MYT1: variants seen among roughly 807,000 people sequenced by gnomAD.
MYT1 encodes myelin transcription factor I.
A neutral mutation model predicts 123.0 loss-of-function variants in MYT1; 23 were observed. The ratio of observed to expected loss-of-function variants is 0.19; its 90% confidence interval spans 0.13 to 0.26. The LOEUF is 0.26. Among genes scored for constraint, MYT1 ranks in the 10% least tolerant of loss-of-function variants. The pLI is 1.00. For missense variants in MYT1, 1,125 were observed against 1,472.5 expected, an observed-to-expected ratio of 0.76 and a Z score of 3.86; for synonymous variants, 518 against 575.3, an observed-to-expected ratio of 0.90 and a Z score of 1.43.
intron 7 of MYT1, among the ~76,000 whole-genome samples, chr20:64,210,030 T>TCTCTTGACA (rs1442404857): frequency 4.6e-4 from 69 of 151,646 alleles, no homozygotes; most frequent in Non-Finnish European, 9.1e-4. Context: ...GGGCCCGGGG[T>TCTCTTGACA]GGTTACTAGC....
intron 18 of MYT1, among the ~76,000 whole-genome samples, chr20:64,228,574 G>A (rs941574405): frequency 1.3e-5 from 2 of 152,164 alleles, no homozygotes; most frequent in South Asian, 4.1e-4. Flanking sequence ...GGGGCAGGGT[G>A]GGGGCTCGTG....
In MYT1 at chr20:64,193,165, G is replaced by T. The variant is rs556852773; in HGVS notation, c.-1+3005G>T. Among the ~76,000 whole-genome samples, 31 of 152,346 alleles carry T rather than the reference G, an allele frequency of 2.0e-4. No individual in the cohort carries two copies. The highest frequency in any genetic ancestry group is 6.5e-4 in the African/African-American group (27 of 41,574). On this transcript the variant is annotated intron_variant, in intron 2 of 22. Coordinates refer to ENST00000328439, the MANE Select transcript of MYT1 (RefSeq NM_004535.3). The surrounding 1 kb of genome is among the most constrained non-coding windows in gnomAD (Gnocchi z 4.0). The stretch of plus-strand genomic sequence containing the variant: ...CAGGACATCACCCAATGTGAGGACA[G>T]AACTATCTCTGCAAGGAACCAAGGG...
intron 7 of MYT1, among the ~76,000 whole-genome samples, chr20:64,209,395 G>T (rs953012949): frequency 2.0e-5 from 3 of 152,316 alleles, no homozygotes; most frequent in South Asian, 4.1e-4. Context: ...CAGCCGGCCT[G>T]GTGCGGAGGG....
In MYT1 at chr20:64,190,565, T is replaced by C. The variant is rs970090860; in HGVS notation, c.-1+405T>C. On this transcript the variant is annotated intron_variant, in intron 2 of 22. Coordinates refer to ENST00000328439, the MANE Select transcript of MYT1 (RefSeq NM_004535.3). This position sits in a 1 kb window ranked among gnomAD's most constrained non-coding sequence, Gnocchi z 4.1. ...GGCATGCGCCTGTAATCCCAGCTAT[T>C]TGGGGGAGGATCCCAGCTAAGGTGG... 1.1e-4 allele frequency among the ~76,000 whole-genome samples: 16 copies of C among 143,150 alleles called. No individual in the cohort carries two copies. The highest frequency in any genetic ancestry group is 2.9e-4 in the Admixed American group (4 of 13,882). The allele number at this position is 143,150 out of a possible 152,430, so 93.9% of individuals were successfully genotyped here.
In MYT1 at chr20:64,208,015, G is replaced by A. The variant is rs369047925; in HGVS notation, c.819G>A (p.Glu273=). ...EEEEEEEEEE[E]DEEEEEEEEE... The stretch of plus-strand genomic sequence containing the variant: ...AGGAGGAGGAAGAGGAGGAGGAGGA[G>A]GATGAAGAAGAGGAAGAGGAAGAGG... The change falls in exon 7 of 23, where the codon GAG becomes GAA. Residue 273 remains glutamate, a synonymous_variant. Transcript: ENST00000328439. This position sits in a 1 kb window ranked among gnomAD's most constrained non-coding sequence, Gnocchi z 5.4. 70 of 1,590,874 alleles carry A rather than the reference G, an allele frequency of 4.4e-5. No individual in the cohort carries two copies. The highest frequency in any genetic ancestry group is 3.4e-4 in the Middle Eastern group (2 of 5,874).
chr20:64,173,528 C>T, intron 1 of MYT1, among the ~76,000 whole-genome samples: 1 of 126,378 alleles, frequency 7.9e-6, no homozygotes. Context: ...ACTTCTCCTC[C>T]TGCAGCATCC....
At position 64,167,506 on chromosome 20, in the gene MYT1, G is replaced by A. The variant is rs533719022; in HGVS notation, c.-99+2767G>A. Among the ~76,000 whole-genome samples the A allele has an allele frequency of 6.6e-6, 1 of 152,290 alleles. No individual in the cohort carries two copies. Among genetic ancestry groups the A allele is most frequent in the Non-Finnish European group, 1.5e-5 (1 of 68,036 alleles). Reference sequence around the variant, plus strand: ...GGGTCAGGAGGTTAGCTGTGGGGTGGGTGGGGGCTGCTGGCGGTCACCTGA... The same window carrying A: ...GGGTCAGGAGGTTAGCTGTGGGGTGAGTGGGGGCTGCTGGCGGTCACCTGA... On this transcript the variant is annotated intron_variant, in intron 1 of 22. Transcript: ENST00000328439. This position sits in a 1 kb window ranked among gnomAD's most constrained non-coding sequence, Gnocchi z 6.3.
intron 1 of MYT1, among the ~76,000 whole-genome samples, chr20:64,188,796 C>A (rs961912249): frequency 7.2e-5 from 11 of 152,168 alleles, no homozygotes; most frequent in Non-Finnish European, 1.6e-4. Flanking sequence ...CCCGCAGCTC[C>A]CTCCTCACTA....
chr20:64,218,069 T>C lies in MYT1; in HGVS notation c.1846+788T>C, dbSNP rs1157321499. Among the ~76,000 whole-genome samples, 2 of 152,162 alleles carry C rather than the reference T, an allele frequency of 1.3e-5. No individual in the cohort carries two copies. The highest frequency in any genetic ancestry group is 4.8e-5 in the African/African-American group (2 of 41,432). ...GTTTCCTACATGAGAATAATAAAAG[T>C]ACTGATTGATGCGGCTGCCAGTGGG... On this transcript the variant is annotated intron_variant, in intron 11 of 22. Transcript: ENST00000328439. The surrounding 1 kb of genome is among the most constrained non-coding windows in gnomAD (Gnocchi z 4.0).
chr20:64,166,412 G>A lies in MYT1; in HGVS notation c.-99+1673G>A, dbSNP rs889366654. Among the ~76,000 whole-genome samples the A allele has an allele frequency of 6.6e-6, 1 of 152,180 alleles. No individual in the cohort carries two copies. Among genetic ancestry groups the A allele is most frequent in the African/African-American group, 2.4e-5 (1 of 41,446 alleles). Reference sequence around the variant, plus strand: ...ACCTGGACGTTTGCCGAACTTCCCAGGGGTACTTGCTGATCCAGGAGCTTG... The same window carrying A: ...ACCTGGACGTTTGCCGAACTTCCCAAGGGTACTTGCTGATCCAGGAGCTTG... On this transcript the variant is annotated intron_variant, in intron 1 of 22. Coordinates refer to ENST00000328439, the MANE Select transcript of MYT1 (RefSeq NM_004535.3). This position sits in a 1 kb window ranked among gnomAD's most constrained non-coding sequence, Gnocchi z 4.9.
chr20:64,202,565 C>T lies in MYT1; in HGVS notation c.87-2470C>T, dbSNP rs1257600612. ...GGCGCCTTCCTCCTTGAGCCACTGGCCAACTCCCACCCAGATGACTGCCCC... is the reference window on the plus strand; with the variant it reads ...GGCGCCTTCCTCCTTGAGCCACTGGTCAACTCCCACCCAGATGACTGCCCC... On this transcript the variant is annotated intron_variant, in intron 4 of 22. Transcript: ENST00000328439. This position sits in a 1 kb window ranked among gnomAD's most constrained non-coding sequence, Gnocchi z 5.0. Among the ~76,000 whole-genome samples the T allele has an allele frequency of 2.0e-5, 3 of 152,116 alleles. No individual in the cohort carries two copies. Among genetic ancestry groups the T allele is most frequent in the Non-Finnish European group, 4.4e-5 (3 of 68,026 alleles).
At chr20:64,183,679 T>TG (rs1326487987) in intron 1 of MYT1, among the ~76,000 whole-genome samples, 2 of 152,268 alleles carry the variant, frequency 1.3e-5, no homozygotes, top group East Asian at 1.9e-4. Flanking sequence ...TCAAGTCCTC[T>TG]GCTCATTCTA....
intron 7 of MYT1, among the ~76,000 whole-genome samples, chr20:64,210,601 G>T (rs1983638679): frequency 6.6e-6 from 1 of 152,210 alleles, no homozygotes; most frequent in Non-Finnish European, 1.5e-5. Context: ...CCTCCCAAAG[G>T]GGACAGCTCT....
rs748347007 is a variant in MYT1, at chr20:64,227,498, G to A, written c.2591+21G>A. ...CGGAGGTGAGCCTGCCACACCCTCA[G>A]GTCCTGGGCCCCAGGGGTGGGCAGG... On this transcript the variant is annotated intron_variant, in intron 17 of 22. Transcript: ENST00000328439. 8.1e-6 allele frequency: 13 copies of A among 1,609,896 alleles called. No individual in the cohort carries two copies. The South Asian group carries it at 1.3e-4, about 16-fold the overall frequency.
At position 64,202,052 on chromosome 20, in the gene MYT1, T is replaced by TGCGTGTCGGGAACCCCC. The variant is rs1983336988; in HGVS notation, c.86+2146_86+2147insCGCGTGTCGGGAACCCC. ...GGAACCCCCGCGTGTCGGGAACCTC[T>TGCGTGTCGGGAACCCCC]GCGTGTCGGGAACCCCTGTGTGCAG... On this transcript the variant is annotated intron_variant, in intron 4 of 22. Coordinates refer to ENST00000328439, the MANE Select transcript of MYT1 (RefSeq NM_004535.3). The surrounding 1 kb of genome is among the most constrained non-coding windows in gnomAD (Gnocchi z 5.0). Among the ~76,000 whole-genome samples the TGCGTGTCGGGAACCCCC allele has an allele frequency of 1.5e-5, 2 of 133,524 alleles. No homozygotes were observed. The highest frequency in any genetic ancestry group is 5.3e-5 in the African/African-American group (2 of 38,000). The allele number at this position is 133,524 out of a possible 152,430, so 87.6% of individuals were successfully genotyped here.
In MYT1 at chr20:64,236,641, G is replaced by A. The variant is rs376313896; in HGVS notation, c.2984G>A (p.Ser995Asn). The A allele has an allele frequency of 1.2e-5, 19 of 1,613,342 alleles. No individual in the cohort carries two copies. Among genetic ancestry groups the A allele is most frequent in the Non-Finnish European group, 1.5e-5 (18 of 1,179,596 alleles). Residue 995 changes from serine to asparagine, a missense_variant, in exon 20 of 23, where the codon AGC becomes AAC. By Grantham distance (46) the Ser-to-Asn change is conservative. Around this residue, in one of 4 missense-constraint regions of MYT1, gnomAD observed 243 missense variants for 323.1 expected, o/e 0.75. Coordinates refer to ENST00000328439, the MANE Select transcript of MYT1 (RefSeq NM_004535.3). ...DEVLSPKFKT[S>N]DVLENDEEIK... is the part of the protein sequence containing the mutation. ...GTCCTCAGTCCAAAGTTCAAGACTAGCGACGGTAAGGATGGCTTCCTGGAT... is the reference window on the plus strand; with the variant it reads ...GTCCTCAGTCCAAAGTTCAAGACTAACGACGGTAAGGATGGCTTCCTGGAT...
In MYT1 at chr20:64,193,356, G is replaced by A. The variant is rs1483040213; in HGVS notation, c.-1+3196G>A. On this transcript the variant is annotated intron_variant, in intron 2 of 22. Transcript: ENST00000328439. The surrounding 1 kb of genome is among the most constrained non-coding windows in gnomAD (Gnocchi z 4.0). ...ATGCACCAAAGAAAGGGAAGGGGAGGGCTGTGGATGCAGCAGAAGATCCTC... is the reference window on the plus strand; with the variant it reads ...ATGCACCAAAGAAAGGGAAGGGGAGAGCTGTGGATGCAGCAGAAGATCCTC... Among the ~76,000 whole-genome samples the A allele has an allele frequency of 6.6e-6, 1 of 152,106 alleles. No individual in the cohort carries two copies. The highest frequency in any genetic ancestry group is 2.4e-5 in the African/African-American group (1 of 41,426).
chr20:64,205,189 C>T lies in MYT1; in HGVS notation c.149+92C>T, dbSNP rs1460737321. On this transcript the variant is annotated intron_variant, in intron 5 of 22. Transcript: ENST00000328439. ...AGATGGAGAACTTTCCATCTTTTTC[C>T]ATGGCTCCCAAGGCCAGGCTGCTGA... is the stretch of plus-strand genomic sequence containing the variant. 2.1e-6 allele frequency: 3 copies of T among 1,458,096 alleles called. No homozygotes were observed. In the East Asian group the frequency reaches 6.9e-5, roughly 34 times the overall value. 90.3% of individuals were successfully genotyped at this position (1,458,096 alleles called of 1,614,324 possible). A position where few individuals can be genotyped will look rare whatever the true frequency, so the allele number is the denominator to read the frequency against.
chr20:64,218,698 CCT>C lies in MYT1; in HGVS notation c.1847-212_1847-211del. ...TGGGACTGGGACGGGTGGCCAAGCC[CCT>C]GGCCCACTTCGATATAGCTGTGCCC... On this transcript the variant is annotated intron_variant, in intron 11 of 22. Coordinates refer to ENST00000328439, the MANE Select transcript of MYT1 (RefSeq NM_004535.3). This position sits in a 1 kb window ranked among gnomAD's most constrained non-coding sequence, Gnocchi z 4.0. 1.5e-6 allele frequency: 1 copy of C among 652,618 alleles called. No individual in the cohort carries two copies. Among genetic ancestry groups the C allele is most frequent in the Non-Finnish European group, 2.7e-6 (1 of 373,112 alleles). The allele number at this position is 652,618 out of a possible 1,614,324, so 40.4% of individuals were successfully genotyped here.
Sources: gnomAD v4.1 joint callset for allele counts (sites outside exome capture counted in the v4.1 genomes callset) on GRCh38, gnomAD v4.1.1 for gene constraint, gnomAD v4.1.1 regional missense constraint, Gnocchi (gnomAD v3.1) non-coding constraint, MANE v1.5 for transcripts, NCBI Gene and HGNC (gene_info 2026-07-23, HGNC 2026-07-21) for gene names.